ASCL2: variants seen among roughly 807,000 people sequenced by gnomAD.
ASCL2 encodes achaete-scute family bHLH transcription factor 2.
ASCL2 carries 6 observed loss-of-function variants against 5.1 expected under a neutral mutation model. That is an observed-to-expected ratio of 1.17 (90% confidence interval 0.64 to 2.31). The LOEUF (loss-of-function observed/expected upper bound fraction) is 2.31. Ranked by LOEUF, ASCL2 falls within the 30% of genes most tolerant of loss-of-function variation. The pLI is 0.00. For missense variants in ASCL2, 320 were observed against 310.3 expected, an observed-to-expected ratio of 1.03 and a Z score of -0.23; for synonymous variants, 174 against 157.3, an observed-to-expected ratio of 1.11 and a Z score of -0.80.
rs774424594 is a variant in ASCL2 at position 2,269,905 on chromosome 11, G to A, written c.428C>T (p.Pro143Leu). 9.1e-5 allele frequency: 118 copies of A among 1,294,076 alleles called. No individual in the cohort carries two copies. The South Asian group carries it at 1.3e-3, about 15-fold the overall frequency. 80.2% of individuals were successfully genotyped at this position (1,294,076 alleles called of 1,614,324 possible). A position where few individuals can be genotyped will look rare whatever the true frequency, so the allele number is the denominator to read the frequency against. ...GCCCGGGGACGAAGAAGCGCGGGAG[G>A]GCGAGGCGGCGACCGGGGTGGTCCC... ...PPGTTPVAAS[P>L]SRASSSPGRG... The change falls in exon 1 of 2, where the codon CCC becomes CTC. Residue 143 changes from proline (P) to leucine (L), a missense_variant. Coordinates refer to ENST00000331289, the MANE Select transcript of ASCL2 (RefSeq NM_005170.3).
Position 2,270,050 on chromosome 11 carries a change from C to G in ASCL2, c.283G>C (p.Ala95Pro). Reference protein sequence around the residue: ...KLSKVETLRSAVEYIRALQRL... With the variant: ...KLSKVETLRSPVEYIRALQRL... ...TGCAGCGCGCGGATGTACTCCACGGCTGAGCGCAGCGTCTCCACCTTGCTC... is the reference window on the plus strand; with the variant it reads ...TGCAGCGCGCGGATGTACTCCACGGGTGAGCGCAGCGTCTCCACCTTGCTC... Residue 95 changes from alanine (A) to proline (P), a missense_variant, in exon 1 of 2, where the codon GCC (alanine) becomes CCC (proline). By Grantham distance (27) the Ala-to-Pro change is conservative. Coordinates refer to ENST00000331289, the MANE Select transcript of ASCL2 (RefSeq NM_005170.3). 1 of 1,471,356 alleles carries G rather than the reference C, an allele frequency of 6.8e-7. No individual in the cohort carries two copies. Among genetic ancestry groups the G allele is most frequent in the Non-Finnish European group, 9.0e-7 (1 of 1,113,712 alleles). The allele number at this position is 1,471,356 out of a possible 1,614,324, so 91.1% of individuals were successfully genotyped here.
chr11:2,270,116 G>A lies in ASCL2; in HGVS notation c.217C>T (p.Leu73=), dbSNP rs756647017. 3.3e-6 allele frequency: 5 copies of A among 1,520,530 alleles called. No homozygotes were observed. The East Asian group carries it at 1.1e-4, about 33-fold the overall frequency. The allele number at this position is 1,520,530 out of a possible 1,614,324, so 94.2% of individuals were successfully genotyped here. A position where few individuals can be genotyped will look rare whatever the true frequency, so the allele number is the denominator to read the frequency against. Residue 73 remains leucine (L), a synonymous_variant, in exon 1 of 2, where the codon CTG becomes TTG. Transcript: ENST00000331289. The stretch of plus-strand genomic sequence containing the variant: ...CCGCCGTGCGGCACGTGCTGCCGCA[G>A]CGCCTGGAAGCCCAAGTTCACCAGC... ...VKLVNLGFQA[L]RQHVPHGGAS... is the part of the protein sequence containing the mutation.
In ASCL2 at chr11:2,270,163, T is replaced by C. The variant is rs1382413711; in HGVS notation, c.170A>G (p.Glu57Gly). ...GGAAAVARRN[E>G]RERNRVKLVN... ...CAGCTTCACGCGGTTGCGCTCGCGC[T>C]CATTGCGCCGCGCTACGGCCGCTGC... The change falls in exon 1 of 2, where the codon GAG (glutamate) becomes GGG (glycine). Residue 57 changes from glutamate (E) to glycine (G), a missense_variant. Transcript: ENST00000331289. 1 of 1,520,012 alleles carries C rather than the reference T, an allele frequency of 6.6e-7. No individual in the cohort carries two copies. The highest frequency in any genetic ancestry group is 1.4e-5 in the African/African-American group (1 of 69,882). 94.2% of individuals were successfully genotyped at this position (1,520,012 alleles called of 1,614,324 possible).
rs1484667510 is a variant in ASCL2, at chr11:2,270,024, C to T, written c.309G>A (p.Gln103=). 2 of 1,412,772 alleles carry T rather than the reference C, an allele frequency of 1.4e-6. No individual in the cohort carries two copies. The highest frequency in any genetic ancestry group is 1.9e-6 in the Non-Finnish European group (2 of 1,081,074). 87.5% of individuals were successfully genotyped at this position (1,412,772 alleles called of 1,614,324 possible). ...CGGCGTCGTGCTCGGCCAGCAGGCG[C>T]TGCAGCGCGCGGATGTACTCCACGG... ...RSAVEYIRAL[Q]RLLAEHDAVR... is the part of the protein sequence containing the mutation. The change falls in exon 1 of 2, where the codon CAG becomes CAA. Residue 103 remains glutamine, a synonymous_variant. Transcript: ENST00000331289.
rs1346458583 is a variant in ASCL2 at position 2,270,247 on chromosome 11, G to A, written c.86C>T (p.Pro29Leu). Reference sequence around the variant, plus strand: ...CCGCCGGCTGCAGCGCAACAGTTCCGGGGACGCGGGTCTCCGCCGGGCAGC... The same window carrying A: ...CCGCCGGCTGCAGCGCAACAGTTCCAGGGACGCGGGTCTCCGCCGGGCAGC... ...GCAARRRPAS[P>L]ELLRCSRRRR... The change falls in exon 1 of 2, where the codon CCG (proline) becomes CTG (leucine). Residue 29 changes from proline to leucine, a missense_variant. By Grantham distance (98) the Pro-to-Leu change is moderately conservative. Coordinates refer to ENST00000331289, the MANE Select transcript of ASCL2 (RefSeq NM_005170.3). 2.8e-6 allele frequency: 4 copies of A among 1,417,668 alleles called. No homozygotes were observed. Among genetic ancestry groups the A allele is most frequent in the Non-Finnish European group, 1.8e-6 (2 of 1,092,046 alleles). The allele number at this position is 1,417,668 out of a possible 1,614,324, so 87.8% of individuals were successfully genotyped here.
At position 2,270,057 on chromosome 11, in the gene ASCL2, C is replaced by T. The variant is rs1169758212; in HGVS notation, c.276G>A (p.Leu92=). Residue 92 remains leucine (L), a synonymous_variant, in exon 1 of 2, where the codon CTG becomes CTA. Coordinates refer to ENST00000331289, the MANE Select transcript of ASCL2 (RefSeq NM_005170.3). ...ASKKLSKVET[L]RSAVEYIRAL... is the part of the protein sequence containing the mutation. Reference sequence around the variant, plus strand: ...CGCGGATGTACTCCACGGCTGAGCGCAGCGTCTCCACCTTGCTCAGCTTCT... The same window carrying T: ...CGCGGATGTACTCCACGGCTGAGCGTAGCGTCTCCACCTTGCTCAGCTTCT... 3.4e-6 allele frequency: 5 copies of T among 1,476,114 alleles called. No homozygotes were observed. In the East Asian group the frequency reaches 1.2e-4, roughly 35 times the overall value. 91.4% of individuals were successfully genotyped at this position (1,476,114 alleles called of 1,614,324 possible). A position where few individuals can be genotyped will look rare whatever the true frequency, so the allele number is the denominator to read the frequency against.
rs868516654 is a variant in ASCL2 at position 2,270,113 on chromosome 11, G to A, written c.220C>T (p.Arg74Trp). Reference sequence around the variant, plus strand: ...GCGCCGCCGTGCGGCACGTGCTGCCGCAGCGCCTGGAAGCCCAAGTTCACC... The same window carrying A: ...GCGCCGCCGTGCGGCACGTGCTGCCACAGCGCCTGGAAGCCCAAGTTCACC... ...KLVNLGFQAL[R>W]QHVPHGGASK... The change falls in exon 1 of 2, where the codon CGG (arginine) becomes TGG (tryptophan). Residue 74 changes from arginine to tryptophan, a missense_variant. Arg to Trp is a moderately radical substitution (Grantham distance 101, BLOSUM62 -3). Coordinates refer to ENST00000331289, the MANE Select transcript of ASCL2 (RefSeq NM_005170.3). 2.0e-6 allele frequency: 3 copies of A among 1,517,618 alleles called. No homozygotes were observed. The highest frequency in any genetic ancestry group is 2.6e-6 in the Non-Finnish European group (3 of 1,138,940). The allele number at this position is 1,517,618 out of a possible 1,614,324, so 94.0% of individuals were successfully genotyped here.
Position 2,270,009 on chromosome 11 carries a change from C to G in ASCL2, c.324G>C (p.Glu108Asp). 7.3e-7 allele frequency: 1 copy of G among 1,372,560 alleles called. No individual in the cohort carries two copies. The highest frequency in any genetic ancestry group is 9.4e-7 in the Non-Finnish European group (1 of 1,061,204). 85.0% of individuals were successfully genotyped at this position (1,372,560 alleles called of 1,614,324 possible). The change falls in exon 1 of 2, where the codon GAG (glutamate) becomes GAC (aspartate). Residue 108 changes from glutamate to aspartate, a missense_variant. Coordinates refer to ENST00000331289, the MANE Select transcript of ASCL2 (RefSeq NM_005170.3). ...CCAGCGCGTTGCGCACGGCGTCGTG[C>G]TCGGCCAGCAGGCGCTGCAGCGCGC... Reference protein sequence around the residue: ...YIRALQRLLAEHDAVRNALAG... With the variant: ...YIRALQRLLADHDAVRNALAG...
chr11:2,269,676 C>G (rs1290014203), intron 1 of ASCL2, 57 bp downstream of exon 1: 1 of 1,082,234 alleles, frequency 9.2e-7, no homozygotes, highest in Non-Finnish European at 1.2e-6. Context: ...GGCCTGCCCA[C>G]CCCGTCCCTC....
chr11:2,270,288 G>C lies in ASCL2; in HGVS notation c.45C>G (p.Pro15=), dbSNP rs756555845. 1.5e-6 allele frequency: 2 copies of C among 1,339,144 alleles called. No homozygotes were observed. Among genetic ancestry groups the C allele is most frequent in the Admixed American group, 8.3e-5 (2 of 24,208 alleles). 83.0% of individuals were successfully genotyped at this position (1,339,144 alleles called of 1,614,324 possible). Residue 15 remains proline, a synonymous_variant, in exon 1 of 2, where the codon CCC becomes CCG. Transcript: ENST00000331289. ...GCCGGGCAGCGCAGCCGACAGGGAC[G>C]GGGGGCGCAGGGGGCGCGGACCTGG... ...TLPRSAPPAP[P]VPVGCAARRR... is the part of the protein sequence containing the mutation.
In ASCL2 at chr11:2,270,485, G is replaced by A; in HGVS notation, c.-153C>T. On this transcript the variant is annotated 5_prime_UTR_variant, in exon 1 of 2. The change creates a new upstream start codon in the 5' untranslated region. Transcript: ENST00000331289. The stretch of plus-strand genomic sequence containing the variant: ...CTCCCCAGGGCACGCGTCCTAGGTC[G>A]TCTGGAGCCCGGGGATAGGAGGCCT... 8.1e-7 allele frequency: 1 copy of A among 1,230,134 alleles called. No homozygotes were observed. The highest frequency in any genetic ancestry group is 1.0e-6 in the Non-Finnish European group (1 of 974,920). The allele number at this position is 1,230,134 out of a possible 1,614,324, so 76.2% of individuals were successfully genotyped here.
intron 1 of ASCL2, among the ~76,000 whole-genome samples, 168 bp downstream of exon 1, chr11:2,269,565 G>A (rs1465961789): frequency 6.6e-6 from 1 of 152,138 alleles, no homozygotes; most frequent in African/African-American, 2.4e-5. Context: ...GGTCTTGCAC[G>A]GGCTTGAAAA....
intron 1 of ASCL2, among the ~76,000 whole-genome samples, chr11:2,269,440 G>T (rs1435885030): frequency 6.6e-6 from 1 of 151,936 alleles, no homozygotes; most frequent in African/African-American, 2.4e-5. Flanking sequence ...CCCAGGATCC[G>T]CCAGCACTAG....
At chr11:2,269,671 G>GCC in intron 1 of ASCL2, 62 bp downstream of exon 1, 21 of 1,042,564 alleles carry the variant, frequency 2.0e-5, no homozygotes, top group Non-Finnish European at 2.5e-5. Context: ...CGCCGGGCCT[G>GCC]CCCACCCCGT....
Position 2,269,848 on chromosome 11 carries a change from C to T in ASCL2, c.485G>A (p.Arg162His). The T allele has an allele frequency of 7.3e-7, 1 of 1,378,992 alleles. No homozygotes were observed. Among genetic ancestry groups the T allele is most frequent in the Non-Finnish European group, 9.4e-7 (1 of 1,061,328 alleles). 85.4% of individuals were successfully genotyped at this position (1,378,992 alleles called of 1,614,324 possible). ...RGGSSEPGSP[R>H]SAYSSDDSGC... is the part of the protein sequence containing the mutation. ...GCTGTCGTCCGACGAGTAGGCGGAA[C>T]GCGGGGAGCCGGGCTCCGAGCTGCC... The change falls in exon 1 of 2, where the codon CGT becomes CAT. Residue 162 changes from arginine to histidine, a missense_variant. By Grantham distance (29) the Arg-to-His change is conservative. Transcript: ENST00000331289.
rs374798855 is a variant in ASCL2, at chr11:2,270,105, G to A, written c.228C>T (p.His76=). The change falls in exon 1 of 2, where the codon CAC becomes CAT. Residue 76 remains histidine, a synonymous_variant. Coordinates refer to ENST00000331289, the MANE Select transcript of ASCL2 (RefSeq NM_005170.3). ...VNLGFQALRQ[H]VPHGGASKKL... ...TCTTGCTGGCGCCGCCGTGCGGCAC[G>A]TGCTGCCGCAGCGCCTGGAAGCCCA... 1,873 of 1,512,350 alleles carry A rather than the reference G, an allele frequency of 1.2e-3. 10 individuals carry two copies. The highest frequency in any genetic ancestry group is 1.0e-2 in the Middle Eastern group (51 of 5,118). 93.7% of individuals were successfully genotyped at this position (1,512,350 alleles called of 1,614,324 possible).
At chr11:2,269,184 GACCCC>G (rs1020710971) in intron 1 of ASCL2, 58 bp from the exon 2 acceptor site, 2 of 152,034 alleles carry the variant, frequency 1.3e-5, no homozygotes, top group Non-Finnish European at 2.9e-5. Flanking sequence ...GCCCGGGGCA[GACCCC>G]GCCCGGGCCG....
chr11:2,270,438 C>T lies in ASCL2; in HGVS notation c.-106G>A. On this transcript the variant is annotated 5_prime_UTR_variant, in exon 1 of 2. Coordinates refer to ENST00000331289, the MANE Select transcript of ASCL2 (RefSeq NM_005170.3). ...AAACTGTGGCGCCCCAAGGGGGCTTCTGGCACGGCGCCGCCAGGCAACTCC... is the reference window on the plus strand; with the variant it reads ...AAACTGTGGCGCCCCAAGGGGGCTTTTGGCACGGCGCCGCCAGGCAACTCC... 7 of 1,252,796 alleles carry T rather than the reference C, an allele frequency of 5.6e-6. No individual in the cohort carries two copies. Among genetic ancestry groups the T allele is most frequent in the South Asian group, 7.3e-5 (2 of 27,552 alleles). The allele number at this position is 1,252,796 out of a possible 1,614,324, so 77.6% of individuals were successfully genotyped here.
At position 2,269,938 on chromosome 11, in the gene ASCL2, C is replaced by T; in HGVS notation, c.395G>A (p.Gly132Glu). 1 of 1,279,770 alleles carries T rather than the reference C, an allele frequency of 7.8e-7. No individual in the cohort carries two copies. The highest frequency in any genetic ancestry group is 9.9e-7 in the Non-Finnish European group (1 of 1,010,698). The allele number at this position is 1,279,770 out of a possible 1,614,324, so 79.3% of individuals were successfully genotyped here. ...GGCGACCGGGGTGGTCCCTGGCGGC[C>T]CGCGGGGCGCAGACGGCCGCACGGC... ...PQAVRPSAPR[G>E]PPGTTPVAAS... is the part of the protein sequence containing the mutation. Residue 132 changes from glycine (G) to glutamate (E), a missense_variant, in exon 1 of 2, where the codon GGG (glycine) becomes GAG (glutamate). Physicochemically the swap from Gly to Glu is moderately conservative, Grantham distance 98. Coordinates refer to ENST00000331289, the MANE Select transcript of ASCL2 (RefSeq NM_005170.3).
Sources: gnomAD v4.1 joint callset for allele counts (sites outside exome capture counted in the v4.1 genomes callset) on GRCh38, gnomAD v4.1.1 for gene constraint, MANE v1.5 for transcripts, NCBI Gene and HGNC (gene_info 2026-07-23, HGNC 2026-07-21) for gene names.